Variants in OSBPL1A observed in about 807,000 individuals in gnomAD.
OSBPL1A encodes oxysterol-binding protein-related protein 1.
A neutral mutation model predicts 137.1 loss-of-function variants in OSBPL1A; 80 were observed. That is an observed-to-expected ratio of 0.58 (90% CI 0.49 to 0.70). The LOEUF (loss-of-function observed/expected upper bound fraction) is 0.70, where lower values mean the gene tolerates loss of function less well. Among genes scored for constraint, OSBPL1A ranks in the 30% least tolerant of loss-of-function variants. The pLI, the probability that OSBPL1A is intolerant of heterozygous loss-of-function variation, is 0.00. For missense variants in OSBPL1A, 970 were observed against 1,129.4 expected (o/e 0.86, Z 2.02); for synonymous variants, 365 against 389.7 (o/e 0.94, Z 0.75).
intron 15 of OSBPL1A, among the ~76,000 whole-genome samples, chr18:24,261,434 G>A (rs1375760573): frequency 2.0e-5 from 3 of 152,050 alleles, no homozygotes; most frequent in African/African-American, 7.2e-5. Context: ...CGTCAATAAA[G>A]CTATAAAAAT....
intron 15 of OSBPL1A, among the ~76,000 whole-genome samples, chr18:24,244,243 T>C (rs999015407): frequency 2.6e-5 from 4 of 152,216 alleles, no homozygotes; most frequent in African/African-American, 9.7e-5. Flanking sequence ...CTATTATGTA[T>C]CAATATGTGA....
chr18:24,372,059 T>C (rs1480290315), intron 2 of OSBPL1A, among the ~76,000 whole-genome samples: 1 of 152,052 alleles, frequency 6.6e-6, no homozygotes, highest in Admixed American at 6.6e-5. Flanking sequence ...ATAGACTGAT[T>C]GAGGTCAGGA....
chr18:24,295,411 G>A (rs185423394), intron 14 of OSBPL1A, among the ~76,000 whole-genome samples: 1 of 152,232 alleles, frequency 6.6e-6, no homozygotes, highest in East Asian at 1.9e-4. Context: ...AAGCTTTTTA[G>A]TTTAATTAGG....
In OSBPL1A at chr18:24,271,817, G is replaced by A. The variant is rs1473490707; in HGVS notation, c.1281+9025C>T. ...GCGCAGCCTGCCCCTGGCTCCGGCC[G>A]GGCAGCAGCGCCAGCCTTCCCCAGC... On this transcript the variant is annotated intron_variant, in intron 15 of 27. Coordinates refer to ENST00000319481, the MANE Select transcript of OSBPL1A (RefSeq NM_080597.4). This position sits in a 1 kb window ranked among gnomAD's most constrained non-coding sequence, Gnocchi z 4.0. 2.6e-5 allele frequency: 26 copies of A among 985,212 alleles called. No homozygotes were observed. Among genetic ancestry groups the A allele is most frequent in the Non-Finnish European group, 3.0e-5 (25 of 829,954 alleles). The allele number at this position is 985,212 out of a possible 1,614,324, so 61.0% of individuals were successfully genotyped here.
At chr18:24,308,109 G>C (rs1408408095) in intron 13 of OSBPL1A, among the ~76,000 whole-genome samples, 1 of 141,974 alleles carries the variant, frequency 7.0e-6, no homozygotes, top group African/African-American at 2.7e-5. Flanking sequence ...AGCATCATCT[G>C]CTCATTACTT....
chr18:24,311,170 C>T (rs1282278778), intron 13 of OSBPL1A, among the ~76,000 whole-genome samples: 1 of 152,100 alleles, frequency 6.6e-6, no homozygotes, highest in Non-Finnish European at 1.5e-5. Context: ...GTAAAGGTCC[C>T]TAAGTTGATA....
chr18:24,251,291 G>A (rs560136769), intron 15 of OSBPL1A, among the ~76,000 whole-genome samples: 1 of 152,320 alleles, frequency 6.6e-6, no homozygotes, highest in Admixed American at 6.5e-5. Flanking sequence ...AGTGGTTACA[G>A]TGGGCCTTAA....
At chr18:24,214,841 A>T (rs1274262565) in intron 17 of OSBPL1A, among the ~76,000 whole-genome samples, 1 of 152,228 alleles carries the variant, frequency 6.6e-6, no homozygotes, top group African/African-American at 2.4e-5. Context: ...CCCTTCTGCA[A>T]ATATGACTGT....
At position 24,271,984 on chromosome 18, in the gene OSBPL1A, G is replaced by T; in HGVS notation, c.1281+8858C>A. The T allele has an allele frequency of 1.0e-6, 1 of 981,824 alleles. No individual in the cohort carries two copies. The highest frequency in any genetic ancestry group is 1.2e-6 in the Non-Finnish European group (1 of 828,658). The allele number at this position is 981,824 out of a possible 1,614,324, so 60.8% of individuals were successfully genotyped here. A position where few individuals can be genotyped will look rare whatever the true frequency, so the allele number is the denominator to read the frequency against. ...TCCGGGGCTCGCGGGGAGAGCGCGGGCGGGCGGCGGCAAGGCCTGCGGCGG... is the reference window on the plus strand; with the variant it reads ...TCCGGGGCTCGCGGGGAGAGCGCGGTCGGGCGGCGGCAAGGCCTGCGGCGG... On this transcript the variant is annotated intron_variant, in intron 15 of 27. Transcript: ENST00000319481. This position sits in a 1 kb window ranked among gnomAD's most constrained non-coding sequence, Gnocchi z 4.0.
chr18:24,270,327 T>C (rs1340571254), intron 15 of OSBPL1A, among the ~76,000 whole-genome samples: 2 of 152,210 alleles, frequency 1.3e-5, no homozygotes, highest in Non-Finnish European at 2.9e-5. Context: ...TAAACCACCC[T>C]GAGTATCAGT....
chr18:24,228,926 C>T (rs1210546809), intron 16 of OSBPL1A, among the ~76,000 whole-genome samples: 7 of 152,098 alleles, frequency 4.6e-5, no homozygotes, highest in South Asian at 2.1e-4. Context: ...ACAGGCTGGG[C>T]GCGGTGGCTC....
At chr18:24,390,694 C>CAAAAAAAAAAAAAAAAAAAAAAAAAAAAA (rs751432894) in intron 1 of OSBPL1A, among the ~76,000 whole-genome samples, 1 of 56,212 alleles carries the variant, frequency 1.8e-5, no homozygotes, top group African/African-American at 7.1e-5. Context: ...GACTCCGTCT[C>CAAAAAAAAAAAAAAAAAAAAAAAAAAAAA]AAAAAAAAAA....
At chr18:24,372,946 C>T (rs1905782952) in intron 2 of OSBPL1A, among the ~76,000 whole-genome samples, 1 of 151,954 alleles carries the variant, frequency 6.6e-6, no homozygotes, top group Admixed American at 6.6e-5. Context: ...CGCCTGTAGT[C>T]CCAGCTACTT....
At chr18:24,263,692 G>A (rs1316500290) in intron 15 of OSBPL1A, among the ~76,000 whole-genome samples, 1 of 151,894 alleles carries the variant, frequency 6.6e-6, no homozygotes, top group Non-Finnish European at 1.5e-5. Context: ...CTGGAGTGCA[G>A]TGGCGCGATC....
intron 13 of OSBPL1A, among the ~76,000 whole-genome samples, chr18:24,311,133 G>C (rs74680585): frequency 5.9e-5 from 8 of 135,348 alleles, no homozygotes; most frequent in Non-Finnish European, 1.3e-4. Context: ...GGGATTGAAA[G>C]AGTCAAAATA....
chr18:24,303,959 A>ATT (rs1473228369), intron 13 of OSBPL1A, among the ~76,000 whole-genome samples: 3 of 152,216 alleles, frequency 2.0e-5, no homozygotes, highest in Non-Finnish European at 4.4e-5. Context: ...TCTGTTGTGT[A>ATT]GATACCATAC....
chr18:24,227,714 C>T (rs1351100754), intron 16 of OSBPL1A, among the ~76,000 whole-genome samples: 5 of 152,038 alleles, frequency 3.3e-5, no homozygotes, highest in Admixed American at 6.6e-5. Flanking sequence ...GGAACAAGAC[C>T]TGCATCAGGG....
chr18:24,231,183 C>T (rs2088265449), intron 16 of OSBPL1A, among the ~76,000 whole-genome samples: 1 of 152,130 alleles, frequency 6.6e-6, no homozygotes, highest in Non-Finnish European at 1.5e-5. Context: ...AGAATCTTTA[C>T]CTGATTAGTT....
At chr18:24,211,821 G>C (rs939788337) in intron 17 of OSBPL1A, among the ~76,000 whole-genome samples, 2 of 151,826 alleles carry the variant, frequency 1.3e-5, no homozygotes, top group East Asian at 3.9e-4. Flanking sequence ...AAATTAGCTG[G>C]GTGTGGTGGC....
Sources: gnomAD v4.1 joint callset for allele counts (sites outside exome capture counted in the v4.1 genomes callset) on GRCh38, gnomAD v4.1.1 for gene constraint, Gnocchi (gnomAD v3.1) non-coding constraint, MANE v1.5 for transcripts, NCBI Gene and HGNC (gene_info 2026-07-23, HGNC 2026-07-21) for gene names.